Variants in PHKB observed in about 807,000 individuals in gnomAD.
PHKB encodes the protein phosphorylase b kinase regulatory subunit beta.
Under a neutral mutation model 152.1 loss-of-function variants are expected in PHKB, and 122 were observed. That is an observed-to-expected ratio of 0.80 (90% confidence interval 0.69 to 0.93). PHKB has a LOEUF of 0.93. PHKB is among the 40% of genes least tolerant of loss of function. The probability of loss-of-function intolerance (pLI) is 0.00; values close to 1 mark genes in which losing one functional copy is unlikely to be tolerated. For missense variants in PHKB, 1,304 were observed against 1,328.4 expected, an observed-to-expected ratio of 0.98 and a Z score of 0.29; for synonymous variants, 436 against 464.9, an observed-to-expected ratio of 0.94 and a Z score of 0.80.
chr16:47,642,231 G>A (rs935523417), intron 16 of PHKB, among the ~76,000 whole-genome samples: 2 of 151,852 alleles, frequency 1.3e-5, no homozygotes, highest in African/African-American at 4.8e-5. Flanking sequence ...ACTGTTTGGT[G>A]TCTGAAGTAA....
intron 1 of PHKB, among the ~76,000 whole-genome samples, chr16:47,470,822 C>A (rs928433580): frequency 6.6e-6 from 1 of 152,098 alleles, no homozygotes; most frequent in African/African-American, 2.4e-5. Context: ...TATTGGACCT[C>A]TCTGATGTAG....
intron 20 of PHKB, among the ~76,000 whole-genome samples, chr16:47,654,252 A>C (rs1169923156): frequency 6.6e-6 from 1 of 152,230 alleles, no homozygotes; most frequent in Non-Finnish European, 1.5e-5. Flanking sequence ...CCACAAAGAG[A>C]TACCATCTCA....
chr16:47,627,475 C>T (rs1196559832), intron 14 of PHKB, among the ~76,000 whole-genome samples: 1 of 152,214 alleles, frequency 6.6e-6, no homozygotes, highest in Non-Finnish European at 1.5e-5. Context: ...TTCTCTTCCA[C>T]TATAATCGCA....
chr16:47,654,357 C>G lies in PHKB; in HGVS notation c.1971+3436C>G, dbSNP rs540550176. Reference sequence around the variant, plus strand: ...GAACACTTTTACACTGTTGGTGGGACTGTAAACTAGTTCAACCATTGTGGA... The same window carrying G: ...GAACACTTTTACACTGTTGGTGGGAGTGTAAACTAGTTCAACCATTGTGGA... On this transcript the variant is annotated intron_variant, in intron 20 of 30. Transcript: ENST00000323584. 2.0e-5 allele frequency among the ~76,000 whole-genome samples: 3 copies of G among 152,256 alleles called. No homozygotes were observed. In the South Asian group the frequency reaches 6.2e-4, roughly 32 times the overall value.
In PHKB at chr16:47,628,500, C is replaced by A. The variant is rs540997311; in HGVS notation, c.1459-12535C>A. On this transcript the variant is annotated intron_variant, in intron 14 of 30. Transcript: ENST00000323584. ...TGAGCCTAGATCGCTCCACTGCGCT[C>A]CAGCCTGGGCGACAGGGCAAAACTC... Among the ~76,000 whole-genome samples the A allele has an allele frequency of 6.6e-5, 10 of 152,192 alleles. No individual in the cohort carries two copies. The East Asian group carries it at 1.4e-3, about 21-fold the overall frequency.
chr16:47,593,189 G>A (rs986719545), intron 10 of PHKB, among the ~76,000 whole-genome samples: 1 of 147,566 alleles, frequency 6.8e-6, no homozygotes, highest in Non-Finnish European at 1.5e-5. Context: ...GAGAGAGGGA[G>A]GGAGAGAGAG....
chr16:47,594,599 G>A (rs1331825917), intron 12 of PHKB, among the ~76,000 whole-genome samples: 1 of 152,188 alleles, frequency 6.6e-6, no homozygotes, highest in African/African-American at 2.4e-5. Context: ...GAATTGCCGA[G>A]AATATTCTGG....
Position 47,669,343 on chromosome 16 carries a change from A to G in PHKB, c.2556A>G (p.Glu852=), listed in dbSNP as rs1973596538. Residue 852 remains glutamate (E), a synonymous_variant, in exon 26 of 31, where the codon GAA becomes GAG. Coordinates refer to ENST00000323584, the MANE Select transcript of PHKB (RefSeq NM_000293.3). ...AGAGGGAAGCGGTCATTCAGCAAGA[A>G]CTGGTCATCCATATTGGCTGGATCA... ...HDEREAVIQQ[E]LVIHIGWIIS... is the part of the protein sequence containing the mutation. 1.2e-6 allele frequency: 2 copies of G among 1,614,168 alleles called. No individual in the cohort carries two copies. Among genetic ancestry groups the G allele is most frequent in the South Asian group, 2.2e-5 (2 of 91,078 alleles).
intron 7 of PHKB, among the ~76,000 whole-genome samples, chr16:47,553,400 C>T (rs1341404751): frequency 6.6e-6 from 1 of 152,024 alleles, no homozygotes; most frequent in South Asian, 2.1e-4. Context: ...CATTTATGTT[C>T]TTCTCTAAGC....
At chr16:47,561,264 C>T (rs1476131658) in intron 7 of PHKB, 1 of 152,138 alleles carries the variant, frequency 6.6e-6, no homozygotes, top group East Asian at 1.9e-4. Flanking sequence ...TGGGTGGACC[C>T]ATTCCAGATG....
Position 47,593,507 on chromosome 16 carries a change from A to C in PHKB, c.1076A>C (p.Asp359Ala). 1 of 1,410,086 alleles carries C rather than the reference A, an allele frequency of 7.1e-7. No homozygotes were observed. Among genetic ancestry groups the C allele is most frequent in the Non-Finnish European group, 1.0e-6 (1 of 994,504 alleles). 87.3% of individuals were successfully genotyped at this position (1,410,086 alleles called of 1,614,324 possible). The change falls in exon 11 of 31, where the codon GAT (aspartate) becomes GCT (alanine). Residue 359 changes from aspartate to alanine, a missense_variant. Coordinates refer to ENST00000323584, the MANE Select transcript of PHKB (RefSeq NM_000293.3). ...TTTTATTTTCTGTTTTAGCTATTTG[A>C]TGGCATTGAATGTGAATTTCCCATA... ...YYKPAEIKLFDGIECEFPIFF... is the reference protein window; with the variant it reads ...YYKPAEIKLFAGIECEFPIFF...
intron 6 of PHKB, among the ~76,000 whole-genome samples, chr16:47,546,800 C>T (rs1416776377): frequency 1.3e-5 from 2 of 152,118 alleles, no homozygotes; most frequent in Non-Finnish European, 2.9e-5. Context: ...CTACTCAAGC[C>T]TCCACAATGG....
chr16:47,593,426 T>G, intron 10 of PHKB, 74 bp from the exon 11 acceptor site: 1 of 835,760 alleles, frequency 1.2e-6, no homozygotes, highest in Non-Finnish European at 2.0e-6. Context: ...GGCCACAGAG[T>G]GAGATCTTGT....
At chr16:47,644,339 A>G (rs1973078504) in intron 16 of PHKB, among the ~76,000 whole-genome samples, 1 of 152,212 alleles carries the variant, frequency 6.6e-6, no homozygotes, top group Non-Finnish European at 1.5e-5. Flanking sequence ...TCAGGAGAAC[A>G]TTCAGTTGCT....
In PHKB at chr16:47,558,824, A is replaced by G. The variant is rs570708971; in HGVS notation, c.710+11276A>G. Among the ~76,000 whole-genome samples the G allele has an allele frequency of 9.8e-5, 15 of 152,364 alleles. No individual in the cohort carries two copies. In the South Asian group the frequency reaches 3.1e-3, roughly 32 times the overall value. On this transcript the variant is annotated intron_variant, in intron 7 of 30. Coordinates refer to ENST00000323584, the MANE Select transcript of PHKB (RefSeq NM_000293.3). ...CTTGGCCTCCCAAAGTGCTGGGATT[A>G]CAGGCATGAGCCACTGTGCCCAGCC...
intron 26 of PHKB, among the ~76,000 whole-genome samples, chr16:47,677,827 G>C (rs1005814506): frequency 2.0e-5 from 3 of 150,062 alleles, no homozygotes; most frequent in Non-Finnish European, 3.0e-5. Flanking sequence ...GTGCAGGTTT[G>C]TTACATATGT....
intron 1 of PHKB, among the ~76,000 whole-genome samples, chr16:47,470,915 G>T (rs1023327752): frequency 1.3e-5 from 2 of 152,186 alleles, no homozygotes; most frequent in Admixed American, 1.3e-4. Flanking sequence ...CAGTGCTTTT[G>T]TATACATTCA....
chr16:47,652,064 G>A (rs2151732281), intron 20 of PHKB, among the ~76,000 whole-genome samples: 1 of 151,806 alleles, frequency 6.6e-6, no homozygotes, highest in Non-Finnish European at 1.5e-5. Flanking sequence ...CCTTTCCTCT[G>A]TATTATCTCT....
At chr16:47,495,395 T>C (rs1869189649) in intron 1 of PHKB, among the ~76,000 whole-genome samples, 1 of 152,132 alleles carries the variant, frequency 6.6e-6, no homozygotes, top group Non-Finnish European at 1.5e-5. Flanking sequence ...TATGCTCATG[T>C]ATCATTTAAT....
Sources: gnomAD v4.1 joint callset for allele counts (sites outside exome capture counted in the v4.1 genomes callset) on GRCh38, gnomAD v4.1.1 for gene constraint, MANE v1.5 for transcripts, NCBI Gene and HGNC (gene_info 2026-07-23, HGNC 2026-07-21) for gene names.